The following ACVR2B variants were observed in gnomAD, a reference collection of about 807,000 sequenced individuals.
ACVR2B encodes activin A receptor type 2B, also known as activin receptor type-2B.
ACVR2B carries 18 observed loss-of-function variants against 65.1 expected under a neutral mutation model. The ratio of observed to expected loss-of-function variants is 0.28; its 90% CI spans 0.19 to 0.41. ACVR2B has a LOEUF of 0.41. Among genes scored for constraint, ACVR2B ranks in the 10% least tolerant of loss-of-function variants. The pLI, the probability that ACVR2B is intolerant of heterozygous loss-of-function variation, is 1.00. For missense variants in ACVR2B, 482 were observed against 682.7 expected (o/e 0.71, Z 3.28); for synonymous variants, 298 against 277.7 (o/e 1.07, Z -0.73).
At chr3:38,479,909 G>A (rs2125724291) in intron 7 of ACVR2B, 83 bp downstream of exon 7, 10 of 1,524,546 alleles carry the variant, frequency 6.6e-6, no homozygotes, top group Non-Finnish European at 8.9e-6. Context: ...GTCTGGAGAT[G>A]TCTCAACTTC....
At position 38,483,001 on chromosome 3, in the gene ACVR2B, GGTGGACCTGCTGCT is replaced by G; in HGVS notation, c.1345-132_1345-119del. On this transcript the variant is annotated intron_variant, in intron 10 of 10. Transcript: ENST00000352511. This position sits in a 1 kb window ranked among gnomAD's most constrained non-coding sequence, Gnocchi z 4.8. ...CTGAAGTTTTCCCCAGGCCTCTGCT[GGTGGACCTGCTGCT>G]GTGGTTGGGGCTGGTGGGCTCTGCC... The G allele has an allele frequency of 1.0e-6, 1 of 969,194 alleles. No homozygotes were observed. The highest frequency in any genetic ancestry group is 1.7e-6 in the Non-Finnish European group (1 of 602,658). 60.0% of individuals were successfully genotyped at this position (969,194 alleles called of 1,614,324 possible). A position where few individuals can be genotyped will look rare whatever the true frequency, so the allele number is the denominator to read the frequency against.
At chr3:38,470,017 T>C (rs1468058385) in intron 1 of ACVR2B, among the ~76,000 whole-genome samples, 1 of 152,068 alleles carries the variant, frequency 6.6e-6, no homozygotes, top group Non-Finnish European at 1.5e-5. Flanking sequence ...AAGAGAGAAT[T>C]CGTGAATTGG....
At chr3:38,478,937 G>T (rs1709963692) in intron 5 of ACVR2B, among the ~76,000 whole-genome samples, 191 bp from the exon 6 acceptor site, 1 of 152,004 alleles carries the variant, frequency 6.6e-6, no homozygotes, top group East Asian at 1.9e-4. Context: ...CTCATGCTCT[G>T]GGGCCTAGCT....
chr3:38,458,421 C>T (rs1422276308), intron 1 of ACVR2B, among the ~76,000 whole-genome samples: 2 of 152,224 alleles, frequency 1.3e-5, no homozygotes, highest in Non-Finnish European at 2.9e-5. Flanking sequence ...CTACTGCCCC[C>T]TGATTAGACT....
chr3:38,466,233 G>A (rs905068248), intron 1 of ACVR2B, among the ~76,000 whole-genome samples: 4 of 152,160 alleles, frequency 2.6e-5, no homozygotes, highest in Non-Finnish European at 5.9e-5. Context: ...GGTCAGATGG[G>A]GAGAGGGTGG....
rs184642533 is a variant in ACVR2B, at chr3:38,457,604, A to G, written c.52+3230A>G. On this transcript the variant is annotated intron_variant, in intron 1 of 10. Coordinates refer to ENST00000352511, the MANE Select transcript of ACVR2B (RefSeq NM_001106.4). Reference sequence around the variant, plus strand: ...TCCTGGACACTCAATGCTGTATCCTACAAGAACTCCTGACACCTGTCTCTG... The same window carrying G: ...TCCTGGACACTCAATGCTGTATCCTGCAAGAACTCCTGACACCTGTCTCTG... Among the ~76,000 whole-genome samples, 487 of 152,286 alleles carry G rather than the reference A, an allele frequency of 3.2e-3. 7 individuals are homozygous for G. The highest frequency in any genetic ancestry group is 0.026 in the Admixed American group (398 of 15,306).
chr3:38,455,569 C>T (rs764485524), intron 1 of ACVR2B, among the ~76,000 whole-genome samples: 8 of 151,692 alleles, frequency 5.3e-5, no homozygotes, highest in Non-Finnish European at 1.2e-4. Context: ...CTACCTTCTC[C>T]TGTGCGTCGT....
At chr3:38,482,596 T>G in intron 10 of ACVR2B, 36 bp downstream of exon 10, 1 of 1,601,820 alleles carries the variant, frequency 6.2e-7, no homozygotes. Flanking sequence ...TGCAGGGGGG[T>G]GGAGAAGGGA....
Position 38,466,287 on chromosome 3 carries a change from G to A in ACVR2B, c.53-11000G>A, listed in dbSNP as rs182235261. Among the ~76,000 whole-genome samples the A allele has an allele frequency of 3.5e-4, 53 of 150,818 alleles. No individual in the cohort carries two copies. The Middle Eastern group carries it at 0.014, about 40-fold the overall frequency. ...CATTTAAAGGAAAAAATTCTGGTCT[G>A]TTGCACCGTAGGGTGCTTGTAGTTA... is the stretch of plus-strand genomic sequence containing the variant. On this transcript the variant is annotated intron_variant, in intron 1 of 10. Coordinates refer to ENST00000352511, the MANE Select transcript of ACVR2B (RefSeq NM_001106.4).
chr3:38,479,007 G>C, intron 5 of ACVR2B, 121 bp from the exon 6 acceptor site: 1 of 1,333,012 alleles, frequency 7.5e-7, no homozygotes, highest in Non-Finnish European at 1.1e-6. Flanking sequence ...TGGGGGGTGG[G>C]GATTGGGCTG....
At chr3:38,480,458 C>T (rs1237975539) in intron 7 of ACVR2B, among the ~76,000 whole-genome samples, 2 of 152,090 alleles carry the variant, frequency 1.3e-5, no homozygotes, top group Admixed American at 6.6e-5. Context: ...TTCATTACCG[C>T]CCATTGAGAC....
chr3:38,482,375 G>A, intron 9 of ACVR2B, 39 bp downstream of exon 9: 1 of 1,610,290 alleles, frequency 6.2e-7, no homozygotes, highest in South Asian at 1.1e-5. Flanking sequence ...TAGATTGAGT[G>A]ATAGGGAGCA....
chr3:38,455,872 T>C (rs1010016065), intron 1 of ACVR2B, among the ~76,000 whole-genome samples: 4 of 152,130 alleles, frequency 2.6e-5, no homozygotes, highest in African/African-American at 9.7e-5. Context: ...GCAAGCTGAC[T>C]TGATAGGCAG....
intron 1 of ACVR2B, among the ~76,000 whole-genome samples, chr3:38,470,637 C>G (rs1339179306): frequency 6.6e-6 from 1 of 152,074 alleles, no homozygotes; most frequent in Non-Finnish European, 1.5e-5. Flanking sequence ...CAAATAATGT[C>G]TGATTTGGGA....
chr3:38,459,526 C>T, intron 1 of ACVR2B: 1 of 956,750 alleles, frequency 1.0e-6, no homozygotes, highest in Non-Finnish European at 1.2e-6. Flanking sequence ...GGAGCTAAGG[C>T]TAGCCCTGTC....
intron 1 of ACVR2B, among the ~76,000 whole-genome samples, chr3:38,468,340 G>A (rs756120866): frequency 3.9e-5 from 6 of 152,104 alleles, no homozygotes; most frequent in African/African-American, 1.4e-4. Context: ...CTCTCTGGAG[G>A]GGGCAGGCTT....
At position 38,479,116 on chromosome 3, in the gene ACVR2B, C is replaced by T. The variant is rs1233298329; in HGVS notation, c.667-12C>T. Reference sequence around the variant, plus strand: ...GCCACTTGTCCCCCCAACCCCTCGCCCCCGGCCTCAGGACAAGCAGTCGTG... The same window carrying T: ...GCCACTTGTCCCCCCAACCCCTCGCTCCCGGCCTCAGGACAAGCAGTCGTG... On this transcript the variant is annotated splice_polypyrimidine_tract_variant and intron_variant, in intron 5 of 10. Transcript: ENST00000352511. 1.9e-6 allele frequency: 3 copies of T among 1,614,092 alleles called. No homozygotes were observed. Among genetic ancestry groups the T allele is most frequent in the South Asian group, 2.2e-5 (2 of 91,082 alleles).
At chr3:38,457,122 T>C (rs1002931762) in intron 1 of ACVR2B, among the ~76,000 whole-genome samples, 1 of 152,160 alleles carries the variant, frequency 6.6e-6, no homozygotes, top group Non-Finnish European at 1.5e-5. Flanking sequence ...GGGAATGGCA[T>C]GAACCCGGGA....
chr3:38,454,711 G>T (rs1255117369), intron 1 of ACVR2B: 3 of 223,526 alleles, frequency 1.3e-5, no homozygotes, highest in East Asian at 1.7e-4. Flanking sequence ...CGTGGGGAAG[G>T]CGGCCAAGAG....
Sources: allele counts gnomAD v4.1 joint callset (sites outside exome capture counted in the v4.1 genomes callset), GRCh38; gene constraint gnomAD v4.1.1; non-coding constraint Gnocchi (gnomAD v3.1); transcripts MANE v1.5; gene names NCBI Gene and HGNC (gene_info 2026-07-23, HGNC 2026-07-21).